SLTM: variants seen among roughly 807,000 people sequenced by gnomAD.
SLTM encodes SAFB like transcription modulator.
A neutral mutation model predicts 134.6 loss-of-function variants in SLTM; 43 were observed. The observed-to-expected ratio is 0.32, with a 90% CI of 0.25 to 0.41. The LOEUF (loss-of-function observed/expected upper bound fraction) is 0.41. Among genes scored for constraint, SLTM ranks in the 10% least tolerant of loss-of-function variants. SLTM has a pLI of 1.00. For synonymous variants in SLTM, 424 were observed against 432.3 expected, an observed-to-expected ratio of 0.98 and a Z score of 0.24; for missense variants, 1,055 against 1,288.8, an observed-to-expected ratio of 0.82 and a Z score of 2.78.
chr15:58,927,770 G>A (rs1031772420), intron 2 of SLTM, among the ~76,000 whole-genome samples: 44 of 152,128 alleles, frequency 2.9e-4, no homozygotes, highest in African/African-American at 7.5e-4. Context: ...ACAATTATAC[G>A]CCCAAAGTCC....
intron 9 of SLTM, among the ~76,000 whole-genome samples, chr15:58,895,465 AAGAAAAG>A (rs1236764400): frequency 1.3e-5 from 2 of 148,968 alleles, no homozygotes; most frequent in African/African-American, 5.2e-5. Context: ...GATGAGTGAG[AAGAAAAG>A]AGAGAGAACG....
In SLTM at chr15:58,933,623, C is replaced by T. The variant is rs904638915; in HGVS notation, c.-58G>A. The T allele has an allele frequency of 4.0e-5, 58 of 1,462,690 alleles. No individual in the cohort carries two copies. The highest frequency in any genetic ancestry group is 3.4e-4 in the East Asian group (12 of 35,356). 90.6% of individuals were successfully genotyped at this position (1,462,690 alleles called of 1,614,324 possible). A position where few individuals can be genotyped will look rare whatever the true frequency, so the allele number is the denominator to read the frequency against. ...GTGGGCTGCAGGGCGGCGGCAGCAG[C>T]GCCAACTTCCACCCAGGCCTCGGCG... is the stretch of plus-strand genomic sequence containing the variant. On this transcript the variant is annotated 5_prime_UTR_variant, in exon 1 of 21. Coordinates refer to ENST00000380516, the MANE Select transcript of SLTM (RefSeq NM_024755.4).
rs1283226425 is a variant in SLTM, at chr15:58,899,659, G to A, written c.868C>T (p.Pro290Ser). 5 of 1,613,842 alleles carry A rather than the reference G, an allele frequency of 3.1e-6. No individual in the cohort carries two copies. The South Asian group carries it at 4.4e-5, about 14-fold the overall frequency. ...TCATAATCCTTGCTTTCCTTCTCCG[G>A]GCTCTGTGCAATGGCGTCCTGCCCA... is the stretch of plus-strand genomic sequence containing the variant. The part of the protein sequence containing the change: ...KDGQDAIAQS[P>S]EKESKDYEMN... The change falls in exon 7 of 21, where the codon CCG becomes TCG. Residue 290 changes from proline (P) to serine (S), a missense_variant. Physicochemically the swap from Pro to Ser is moderately conservative, Grantham distance 74. Coordinates refer to ENST00000380516, the MANE Select transcript of SLTM (RefSeq NM_024755.4). The surrounding 1 kb of genome is among the most constrained non-coding windows in gnomAD (Gnocchi z 5.0).
chr15:58,898,638 GTAATATATATAA>G, intron 8 of SLTM, 153 bp downstream of exon 8: 1 of 577,630 alleles, frequency 1.7e-6, no homozygotes, highest in South Asian at 1.9e-5. Context: ...TCAGTTTTCT[GTAATATATATAA>G]TTCCACAGTT....
At chr15:58,924,308 G>C (rs1177002621) in intron 2 of SLTM, among the ~76,000 whole-genome samples, 2 of 152,138 alleles carry the variant, frequency 1.3e-5, no homozygotes, top group African/African-American at 4.8e-5. Flanking sequence ...AGGGCCTAAA[G>C]TAAAATGGCA....
rs779540471 is a variant in SLTM at position 58,899,658 on chromosome 15, G to A, written c.869C>T (p.Pro290Leu). ...KDGQDAIAQS[P>L]EKESKDYEMN... ...CTCATAATCCTTGCTTTCCTTCTCC[G>A]GGCTCTGTGCAATGGCGTCCTGCCC... The change falls in exon 7 of 21, where the codon CCG (proline) becomes CTG (leucine). Residue 290 changes from proline to leucine, a missense_variant. This residue lies in a region of SLTM where 776 missense variants were observed against 962.2 expected (regional missense o/e 0.81). Coordinates refer to ENST00000380516, the MANE Select transcript of SLTM (RefSeq NM_024755.4). The surrounding 1 kb of genome is among the most constrained non-coding windows in gnomAD (Gnocchi z 5.0). 29 of 1,613,814 alleles carry A rather than the reference G, an allele frequency of 1.8e-5. No individual in the cohort carries two copies. In the East Asian group the frequency reaches 2.5e-4, roughly 14 times the overall value.
chr15:58,931,861 C>A (rs1307911393), intron 2 of SLTM, among the ~76,000 whole-genome samples: 3 of 152,052 alleles, frequency 2.0e-5, no homozygotes, highest in African/African-American at 7.2e-5. Context: ...TTGGTGAGGT[C>A]TTTTTGAATT....
At position 58,916,971 on chromosome 15, in the gene SLTM, A is replaced by C. The variant is rs1362789339; in HGVS notation, c.279T>G (p.Ser93Arg). The change falls in exon 3 of 21, where the codon AGT becomes AGG. Residue 93 changes from serine to arginine, a missense_variant. Transcript: ENST00000380516. Reference protein sequence around the residue: ...KGKKHEADELSGDASVEDDAF... With the variant: ...KGKKHEADELRGDASVEDDAF... Reference sequence around the variant, plus strand: ...CATCATCTTCCACAGAAGCATCTCCACTCAACTCATCTGCTTCATGTTTTT... The same window carrying C: ...CATCATCTTCCACAGAAGCATCTCCCCTCAACTCATCTGCTTCATGTTTTT... 6.2e-7 allele frequency: 1 copy of C among 1,613,330 alleles called. No homozygotes were observed. Among genetic ancestry groups the C allele is most frequent in the Non-Finnish European group, 8.5e-7 (1 of 1,179,576 alleles).
chr15:58,918,445 C>G (rs2036798013), intron 2 of SLTM, among the ~76,000 whole-genome samples: 1 of 152,302 alleles, frequency 6.6e-6, no homozygotes, highest in Non-Finnish European at 1.5e-5. Context: ...TATCTGTCAT[C>G]TACTCCCAAT....
intron 9 of SLTM, 100 bp downstream of exon 9, chr15:58,897,015 A>G: frequency 1.4e-6 from 1 of 734,742 alleles, no homozygotes; most frequent in Middle Eastern, 2.6e-4. Flanking sequence ...CCTAAGAGAT[A>G]CAATAAATTA....
intron 16 of SLTM, 165 bp from the exon 17 acceptor site, chr15:58,888,720 G>GA: frequency 1.9e-6 from 1 of 516,024 alleles, no homozygotes; most frequent in Non-Finnish European, 3.2e-6. Flanking sequence ...CTTAATTGTT[G>GA]AATTACATAA....
At chr15:58,908,082 A>C (rs1211453560) in intron 5 of SLTM, among the ~76,000 whole-genome samples, 1 of 141,350 alleles carries the variant, frequency 7.1e-6, no homozygotes, top group African/African-American at 2.7e-5. Context: ...TTTAAGACAG[A>C]GTCTTGCTCT....
intron 5 of SLTM, among the ~76,000 whole-genome samples, chr15:58,910,455 C>G (rs2036181730): frequency 6.6e-6 from 1 of 152,172 alleles, no homozygotes. Context: ...TCTTTTGATA[C>G]AATATGGCAA....
In SLTM at chr15:58,899,218, A is replaced by C. The variant is rs544292667; in HGVS notation, c.1058+251T>G. On this transcript the variant is annotated intron_variant, in intron 7 of 20. Coordinates refer to ENST00000380516, the MANE Select transcript of SLTM (RefSeq NM_024755.4). This position sits in a 1 kb window ranked among gnomAD's most constrained non-coding sequence, Gnocchi z 5.0. ...AAAAATTGTCAATTTGAAAAAAAAA[A>C]ACAAAAAACAAAAAACAACAAAAAA... The C allele has an allele frequency of 2.1e-5, 10 of 467,202 alleles. No homozygotes were observed. The East Asian group carries it at 2.7e-4, about 13-fold the overall frequency. 28.9% of individuals were successfully genotyped at this position (467,202 alleles called of 1,614,324 possible). A position where few individuals can be genotyped will look rare whatever the true frequency, so the allele number is the denominator to read the frequency against.
chr15:58,918,695 T>A (rs1233088152), intron 2 of SLTM, among the ~76,000 whole-genome samples: 1 of 152,238 alleles, frequency 6.6e-6, no homozygotes, highest in East Asian at 1.9e-4. Flanking sequence ...TTTGGTTTAC[T>A]ATTCCCTTTG....
rs1180301780 is a variant in SLTM at position 58,899,504 on chromosome 15, C to G, written c.1023G>C (p.Gly341=). The change falls in exon 7 of 21, where the codon GGG becomes GGC. Residue 341 remains glycine (G), a synonymous_variant. Transcript: ENST00000380516. The surrounding 1 kb of genome is among the most constrained non-coding windows in gnomAD (Gnocchi z 5.0). ...GDKEKDTLKK[G]PSSTGASGQA... ...GACCAGAGGCCCCAGTAGACGAGGGCCCTTTCTTCAAAGTATCCTTTTCTT... is the reference window on the plus strand; with the variant it reads ...GACCAGAGGCCCCAGTAGACGAGGGGCCTTTCTTCAAAGTATCCTTTTCTT... 1 of 1,614,128 alleles carries G rather than the reference C, an allele frequency of 6.2e-7. No individual in the cohort carries two copies. Among genetic ancestry groups the G allele is most frequent in the East Asian group, 2.2e-5 (1 of 44,876 alleles).
At chr15:58,917,407 C>T (rs1308245591) in intron 2 of SLTM, among the ~76,000 whole-genome samples, 1 of 152,212 alleles carries the variant, frequency 6.6e-6, no homozygotes, top group Non-Finnish European at 1.5e-5. Context: ...ATGTTCTTCT[C>T]TTCAACAAGC....
chr15:58,912,453 T>TA, intron 5 of SLTM, 110 bp downstream of exon 5: 1 of 1,016,272 alleles, frequency 9.8e-7, no homozygotes, highest in Non-Finnish European at 1.5e-6. Context: ...AACTCAGTAT[T>TA]AAATTTAAGA....
At chr15:58,894,939 A>C (rs2034961577) in intron 9 of SLTM, among the ~76,000 whole-genome samples, 1 of 152,174 alleles carries the variant, frequency 6.6e-6, no homozygotes, top group Non-Finnish European at 1.5e-5. Context: ...GCCTGACCTC[A>C]GGTGATCGGC....
Sources: allele counts gnomAD v4.1 joint callset (sites outside exome capture counted in the v4.1 genomes callset), GRCh38; gene constraint gnomAD v4.1.1; regional missense constraint gnomAD v4.1.1; non-coding constraint Gnocchi (gnomAD v3.1); transcripts MANE v1.5; gene names NCBI Gene and HGNC (gene_info 2026-07-23, HGNC 2026-07-21).